NLRP8: variants seen among roughly 807,000 people sequenced by gnomAD.
NLRP8 encodes NLR family pyrin domain containing 8, also known as NACHT, LRR and PYD domains-containing protein 8.
NLRP8 carries 86 observed loss-of-function variants against 88.7 expected under a neutral mutation model. That is an observed-to-expected ratio of 0.97 (90% CI 0.81 to 1.16). NLRP8 has a LOEUF of 1.16. NLRP8 is among the 50% of genes most tolerant of loss of function. The probability of loss-of-function intolerance (pLI) is 0.00; values close to 1 mark genes in which losing one functional copy is unlikely to be tolerated. For synonymous variants in NLRP8, 504 were observed against 494.6 expected, an observed-to-expected ratio of 1.02 and a Z score of -0.25; for missense variants, 1,342 against 1,286.5, an observed-to-expected ratio of 1.04 and a Z score of -0.66.
chr19:55,959,119 C>T (rs978529663), intron 3 of NLRP8, among the ~76,000 whole-genome samples: 1 of 150,994 alleles, frequency 6.6e-6, no homozygotes, highest in Non-Finnish European at 1.5e-5. Context: ...ACCTCATGAT[C>T]TGCCTGCCTC....
At position 55,948,264 on chromosome 19, in the gene NLRP8, T is replaced by A. The variant is rs778675725; in HGVS notation, c.362T>A (p.Ile121Lys). Residue 121 changes from isoleucine (I) to lysine (K), a missense_variant, in exon 1 of 10, where the codon ATA becomes AAA. Ile to Lys is a moderately radical substitution (Grantham distance 102). Coordinates refer to ENST00000291971, the MANE Select transcript of NLRP8 (RefSeq NM_176811.2). Reference sequence around the variant, plus strand: ...ATGTGTGTTGTAGTCCGCAGAGAGATAAATGGTGAGTGTTGATCTGGTGGA... The same window carrying A: ...ATGTGTGTTGTAGTCCGCAGAGAGAAAAATGGTGAGTGTTGATCTGGTGGA... 6.2e-7 allele frequency: 1 copy of A among 1,611,022 alleles called. No individual in the cohort carries two copies. The highest frequency in any genetic ancestry group is 8.5e-7 in the Non-Finnish European group (1 of 1,177,706).
intron 2 of NLRP8, among the ~76,000 whole-genome samples, chr19:55,952,906 G>C (rs768911627): frequency 6.6e-6 from 1 of 152,080 alleles, no homozygotes; most frequent in African/African-American, 2.4e-5. Flanking sequence ...TTGGGTGACA[G>C]ATTGAGACTC....
Position 55,986,525 on chromosome 19 carries a change from AGCCAGCT to A in NLRP8, c.3048-1287_3048-1281del, listed in dbSNP as rs1980849082. ...ACACACACACTAATTGCTTCAGGACAGCCAGCTGAAGGCTGTGAGCATCCGGGCGCCC... is the reference window on the plus strand; with the variant it reads ...ACACACACACTAATTGCTTCAGGACAGAAGGCTGTGAGCATCCGGGCGCCC... On this transcript the variant is annotated intron_variant, in intron 9 of 9. Coordinates refer to ENST00000291971, the MANE Select transcript of NLRP8 (RefSeq NM_176811.2). 3.3e-5 allele frequency among the ~76,000 whole-genome samples: 5 copies of A among 149,978 alleles called. No homozygotes were observed. The South Asian group carries it at 1.1e-3, about 32-fold the overall frequency.
At chr19:55,960,061 G>C (rs1008892560) in intron 3 of NLRP8, among the ~76,000 whole-genome samples, 3 of 152,006 alleles carry the variant, frequency 2.0e-5, no homozygotes, top group African/African-American at 4.8e-5. Context: ...GTTTAATCCT[G>C]AATGGGTCCT....
chr19:55,961,699 A>G lies in NLRP8; in HGVS notation c.2043-368A>G, dbSNP rs1373856272. Among the ~76,000 whole-genome samples the G allele has an allele frequency of 1.1e-4, 17 of 152,158 alleles. 1 individual carries two copies. The highest frequency in any genetic ancestry group is 7.4e-5 in the Non-Finnish European group (5 of 68,010). The stretch of plus-strand genomic sequence containing the variant: ...TGCCTGTAACCCCAGCTCCTCAGGC[A>G]GATGAAGTGGATTGCCTGAGCCTGG... On this transcript the variant is annotated intron_variant, in intron 3 of 9. Transcript: ENST00000291971.
chr19:55,957,714 TATATATATATAA>T (rs1568461006), intron 3 of NLRP8, among the ~76,000 whole-genome samples: 30 of 60,786 alleles, frequency 4.9e-4, no homozygotes, highest in African/African-American at 6.8e-4. Flanking sequence ...TATATATATA[TATATATATATAA>T]AATAAGGTTG....
intron 1 of NLRP8, among the ~76,000 whole-genome samples, chr19:55,950,406 C>T (rs1979039177): frequency 6.6e-6 from 1 of 151,156 alleles, no homozygotes; most frequent in African/African-American, 2.4e-5. Context: ...GTGACAAAAG[C>T]AGAACTCCAT....
intron 9 of NLRP8, among the ~76,000 whole-genome samples, chr19:55,985,749 C>T (rs1176054469): frequency 6.6e-6 from 1 of 152,204 alleles, no homozygotes; most frequent in Admixed American, 6.5e-5. Flanking sequence ...GGCACACTGG[C>T]TCATGCCTGT....
chr19:55,972,082 C>T (rs1980097293), intron 6 of NLRP8, among the ~76,000 whole-genome samples: 1 of 150,478 alleles, frequency 6.6e-6, no homozygotes, highest in African/African-American at 2.4e-5. Context: ...TCTCTTCTCT[C>T]TTAATCCCAT....
At chr19:55,952,715 A>T in intron 2 of NLRP8, 103 bp downstream of exon 2, 1 of 847,756 alleles carries the variant, frequency 1.2e-6, no homozygotes. Flanking sequence ...TACCATGTCC[A>T]GTGTTTCTTC....
At chr19:55,953,844 C>T (rs1979208319) in intron 2 of NLRP8, among the ~76,000 whole-genome samples, 1 of 144,872 alleles carries the variant, frequency 6.9e-6, no homozygotes, top group African/African-American at 2.6e-5. Flanking sequence ...CTCTGTCACC[C>T]ACACTGGAGT....
In NLRP8 at chr19:55,988,036, C is replaced by A; in HGVS notation, c.*123C>A. 2 of 708,702 alleles carry A rather than the reference C, an allele frequency of 2.8e-6. No individual in the cohort carries two copies. The highest frequency in any genetic ancestry group is 1.6e-5 in the South Asian group (1 of 61,706). The allele number at this position is 708,702 out of a possible 1,614,324, so 43.9% of individuals were successfully genotyped here. A position where few individuals can be genotyped will look rare whatever the true frequency, so the allele number is the denominator to read the frequency against. On this transcript the variant is annotated 3_prime_UTR_variant, in exon 10 of 10. Coordinates refer to ENST00000291971, the MANE Select transcript of NLRP8 (RefSeq NM_176811.2). ...TTCCCCTGAAACAGAGCAACCCAGT[C>A]AACACCACAGAACCTCAGCTTTGAA...
intron 9 of NLRP8, among the ~76,000 whole-genome samples, 94 bp from the exon 10 acceptor site, chr19:55,980,965 T>C (rs1325676154): frequency 6.6e-6 from 1 of 152,106 alleles, no homozygotes; most frequent in Non-Finnish European, 1.5e-5. Context: ...TCCTAGGTGG[T>C]AAATTTCTGT....
intron 1 of NLRP8, 103 bp from the exon 2 acceptor site, chr19:55,952,435 C>T (rs1979134971): frequency 2.4e-6 from 2 of 835,234 alleles, no homozygotes; most frequent in Admixed American, 1.8e-5. Context: ...ACTCTGAAGC[C>T]ATGTGGCTGC....
At chr19:55,952,177 G>T (rs978298416) in intron 1 of NLRP8, among the ~76,000 whole-genome samples, 1 of 152,152 alleles carries the variant, frequency 6.6e-6, no homozygotes, top group Admixed American at 6.5e-5. Context: ...CCGACTGGAC[G>T]TATAGATACA....
At chr19:55,984,728 T>G (rs1000837781) in intron 9 of NLRP8, among the ~76,000 whole-genome samples, 1 of 151,266 alleles carries the variant, frequency 6.6e-6, no homozygotes, top group African/African-American at 2.4e-5. Context: ...TCCCACCCCT[T>G]TGGGAGGCCA....
At chr19:55,960,099 T>C (rs1318168004) in intron 3 of NLRP8, among the ~76,000 whole-genome samples, 1 of 152,064 alleles carries the variant, frequency 6.6e-6, no homozygotes, top group Admixed American at 6.6e-5. Context: ...TATCCTGTCA[T>C]ACTTCAAGGC....
chr19:55,961,200 C>A (rs1171125178), intron 3 of NLRP8, among the ~76,000 whole-genome samples: 1 of 152,072 alleles, frequency 6.6e-6, no homozygotes, highest in African/African-American at 2.4e-5. Flanking sequence ...CCGTGCCCGG[C>A]CACTTTCAAC....
At chr19:55,949,588 A>G (rs1415355364) in intron 1 of NLRP8, among the ~76,000 whole-genome samples, 4 of 152,150 alleles carry the variant, frequency 2.6e-5, no homozygotes, top group African/African-American at 7.2e-5. Flanking sequence ...TACTATCCAC[A>G]GTTTCAGATA....
Sources: allele counts gnomAD v4.1 joint callset (sites outside exome capture counted in the v4.1 genomes callset), GRCh38; gene constraint gnomAD v4.1.1; transcripts MANE v1.5; gene names NCBI Gene and HGNC (gene_info 2026-07-23, HGNC 2026-07-21).